Variants in MIB2 observed in about 807,000 individuals in gnomAD.
MIB2 encodes E3 ubiquitin-protein ligase MIB2.
A neutral mutation model predicts 96.6 loss-of-function variants in MIB2; 78 were observed. The observed-to-expected ratio is 0.81, with a 90% CI of 0.67 to 0.97. The LOEUF (loss-of-function observed/expected upper bound fraction) is 0.97, where lower values mean the gene tolerates loss of function less well. MIB2 is among the 50% of genes least tolerant of loss of function. The pLI is 0.00. For synonymous variants in MIB2, 820 were observed against 629.5 expected (o/e 1.30, Z -4.53); for missense variants, 1,543 against 1,424.0 (o/e 1.08, Z -1.35).
chr1:1,629,479 G>A lies in MIB2; in HGVS notation c.2476G>A (p.Gly826Arg), dbSNP rs1011064191. The part of the protein sequence containing the change: ...VTNLHVGAAP[G>R]PEAAECLVCS... ...GAACCTGCACGTGGGCGCCGCGCCG[G>A]GGCCCGAGGCCGCTGAGTGCCTGGT... Residue 826 changes from glycine (G) to arginine (R), a missense_variant, in exon 18 of 20, where the codon GGG becomes AGG. Gly to Arg is a moderately radical substitution (Grantham distance 125). Transcript: ENST00000355826. 4.0e-5 allele frequency: 61 copies of A among 1,532,056 alleles called. No individual in the cohort carries two copies. The highest frequency in any genetic ancestry group is 5.2e-5 in the Non-Finnish European group (60 of 1,145,218). 94.9% of individuals were successfully genotyped at this position (1,532,056 alleles called of 1,614,324 possible). A position where few individuals can be genotyped will look rare whatever the true frequency, so the allele number is the denominator to read the frequency against.
At chr1:1,624,670 G>A (rs1188288359) in intron 4 of MIB2, 125 bp from the exon 5 acceptor site, 5 of 874,904 alleles carry the variant, frequency 5.7e-6, no homozygotes, top group Non-Finnish European at 9.2e-6. Context: ...AAGAGCTGGG[G>A]CTGCGGAGCC....
chr1:1,623,607 T>C lies in MIB2; in HGVS notation c.155T>C (p.Val52Ala). 1 of 1,499,502 alleles carries C rather than the reference T, an allele frequency of 6.7e-7. No individual in the cohort carries two copies. The highest frequency in any genetic ancestry group is 8.9e-7 in the Non-Finnish European group (1 of 1,123,244). 92.9% of individuals were successfully genotyped at this position (1,499,502 alleles called of 1,614,324 possible). A position where few individuals can be genotyped will look rare whatever the true frequency, so the allele number is the denominator to read the frequency against. The change falls in exon 3 of 20, where the codon GTG (valine) becomes GCG (alanine). Residue 52 changes from valine (V) to alanine (A), a missense_variant. Coordinates refer to ENST00000355826, the MANE Select transcript of MIB2 (RefSeq NM_001170687.4). ...AGCCCCTCGACACCCGACCGCACAG[T>C]GGTCGTGCAGTGGGACCAGGGCACG... The part of the protein sequence containing the change: ...HGSPSTPDRT[V>A]VVQWDQGTRT...
Position 1,629,271 on chromosome 1 carries a change from C to A in MIB2, c.2341C>A (p.Arg781Ser), listed in dbSNP as rs368865474. The A allele has an allele frequency of 6.5e-7, 1 of 1,544,912 alleles. No individual in the cohort carries two copies. Among genetic ancestry groups the A allele is most frequent in the South Asian group, 1.2e-5 (1 of 83,936 alleles). ...CCCGCTGGACCTGGCCGCCGAGGGT[C>A]GCGTGCTCAAGGCCCTTCAGGGCTG... ...RSPLDLAAEG[R>S]VLKALQGCAQ... Residue 781 changes from arginine to serine, a missense_variant, in exon 17 of 20, where the codon CGC becomes AGC. Transcript: ENST00000355826.
intron 4 of MIB2, 78 bp from the exon 5 acceptor site, chr1:1,624,717 A>G (rs935790279): frequency 1.5e-5 from 20 of 1,355,234 alleles, no homozygotes; most frequent in East Asian, 9.9e-5. Flanking sequence ...GCTCCACTGC[A>G]TCGCTCTCCC....
intron 16 of MIB2, 141 bp downstream of exon 16, chr1:1,628,863 G>T: frequency 1.2e-6 from 1 of 831,090 alleles, no homozygotes; most frequent in Non-Finnish European, 1.8e-6. Flanking sequence ...GCAGATGGGA[G>T]CCAAGTTCTA....
chr1:1,625,665 G>A lies in MIB2; in HGVS notation c.972+12G>A. 2 of 1,547,682 alleles carry A rather than the reference G, an allele frequency of 1.3e-6. No homozygotes were observed. The highest frequency in any genetic ancestry group is 1.4e-5 in the African/African-American group (1 of 73,188). ...GGGCGCTCACCAAGGTGCCGGGGGGGCTGGGCTGCGCCTCATCTGCTTGCT... is the reference window on the plus strand; with the variant it reads ...GGGCGCTCACCAAGGTGCCGGGGGGACTGGGCTGCGCCTCATCTGCTTGCT... On this transcript the variant is annotated intron_variant, in intron 8 of 19. Coordinates refer to ENST00000355826, the MANE Select transcript of MIB2 (RefSeq NM_001170687.4). The surrounding 1 kb of genome is among the most constrained non-coding windows in gnomAD (Gnocchi z 5.0).
chr1:1,625,216 C>T lies in MIB2; in HGVS notation c.721+31C>T, dbSNP rs1644627958. 2.5e-6 allele frequency: 4 copies of T among 1,602,690 alleles called. No individual in the cohort carries two copies. Among genetic ancestry groups the T allele is most frequent in the Non-Finnish European group, 2.6e-6 (3 of 1,174,148 alleles). ...AGGCTGTCACACTGACTCCATCAGC[C>T]CTCCTGCCTTGGCTGAAGTCCCAGA... On this transcript the variant is annotated intron_variant, in intron 6 of 19. Transcript: ENST00000355826. The surrounding 1 kb of genome is among the most constrained non-coding windows in gnomAD (Gnocchi z 5.0).
chr1:1,629,373 C>T lies in MIB2; in HGVS notation c.2382-12C>T, dbSNP rs766324866. On this transcript the variant is annotated splice_polypyrimidine_tract_variant and intron_variant, in intron 17 of 19. Transcript: ENST00000355826. Reference sequence around the variant, plus strand: ...CTCCGGGCCCCTCTCAAGCCGCCTCCTCCCCCTGCAGGGAGCGGCAGGCGG... The same window carrying T: ...CTCCGGGCCCCTCTCAAGCCGCCTCTTCCCCCTGCAGGGAGCGGCAGGCGG... 6 of 1,439,294 alleles carry T rather than the reference C, an allele frequency of 4.2e-6. No individual in the cohort carries two copies. The highest frequency in any genetic ancestry group is 5.4e-6 in the Non-Finnish European group (6 of 1,110,172). 89.2% of individuals were successfully genotyped at this position (1,439,294 alleles called of 1,614,324 possible).
In MIB2 at chr1:1,623,756, AC is replaced by A. The variant is rs1644477400; in HGVS notation, c.248-14del. 1 of 1,569,948 alleles carries A rather than the reference AC, an allele frequency of 6.4e-7. No individual in the cohort carries two copies. The highest frequency in any genetic ancestry group is 1.4e-5 in the African/African-American group (1 of 73,746). On this transcript the variant is annotated splice_polypyrimidine_tract_variant and intron_variant, in intron 3 of 19. Coordinates refer to ENST00000355826, the MANE Select transcript of MIB2 (RefSeq NM_001170687.4). Reference sequence around the variant, plus strand: ...ACCCGGGGGCGGGAACGCCCCTCTGACCCCACCCCACCCCCAGGCGTCCGGC... The same window carrying A: ...ACCCGGGGGCGGGAACGCCCCTCTGACCCACCCCACCCCCAGGCGTCCGGC...
chr1:1,623,600 C>T lies in MIB2; in HGVS notation c.148C>T (p.Arg50Cys), dbSNP rs936581314. ...CCACGGCAGCCCCTCGACACCCGAC[C>T]GCACAGTGGTCGTGCAGTGGGACCA... ...GRHGSPSTPD[R>C]TVVVQWDQGT... is the part of the protein sequence containing the mutation. The change falls in exon 3 of 20, where the codon CGC becomes TGC. Residue 50 changes from arginine to cysteine, a missense_variant. Physicochemically the swap from Arg to Cys is radical, Grantham distance 180. Coordinates refer to ENST00000355826, the MANE Select transcript of MIB2 (RefSeq NM_001170687.4). 49 of 1,503,890 alleles carry T rather than the reference C, an allele frequency of 3.3e-5. 1 individual carries two copies. The highest frequency in any genetic ancestry group is 3.9e-5 in the Non-Finnish European group (44 of 1,125,946). 93.2% of individuals were successfully genotyped at this position (1,503,890 alleles called of 1,614,324 possible).
chr1:1,615,732 G>A (rs1463234157), intron 1 of MIB2, 99 bp downstream of exon 1: 2 of 1,485,334 alleles, frequency 1.3e-6, no homozygotes, highest in Non-Finnish European at 8.9e-7. Context: ...TCCCGCTCCC[G>A]CTGGCCCAGC....
At chr1:1,623,381 G>T in intron 2 of MIB2, 50 bp from the exon 3 acceptor site, 1 of 1,592,842 alleles carries the variant, frequency 6.3e-7, no homozygotes, top group Non-Finnish European at 8.5e-7. Context: ...AATACCCTCT[G>T]CCCACAGGTC....
chr1:1,630,103 C>G (rs888585218), intron 19 of MIB2, among the ~76,000 whole-genome samples, 189 bp from the exon 20 acceptor site: 1 of 149,536 alleles, frequency 6.7e-6, no homozygotes, highest in East Asian at 2.0e-4. Flanking sequence ...TGCCTGATTT[C>G]CACGGCTCAC....
At position 1,625,359 on chromosome 1, in the gene MIB2, T is replaced by C; in HGVS notation, c.795T>C (p.Cys265=). ...QPFQHGDKVK[C]LLDTDVLREM... is the part of the protein sequence containing the mutation. ...TCCAGCACGGGGACAAGGTCAAGTG[T>C]CTGCTGGACACTGATGTCCTGCGGG... The change falls in exon 7 of 20, where the codon TGT becomes TGC. Residue 265 remains cysteine, a synonymous_variant. Coordinates refer to ENST00000355826, the MANE Select transcript of MIB2 (RefSeq NM_001170687.4). This position sits in a 1 kb window ranked among gnomAD's most constrained non-coding sequence, Gnocchi z 5.0. 6.3e-7 allele frequency: 1 copy of C among 1,586,480 alleles called. No homozygotes were observed. The highest frequency in any genetic ancestry group is 8.6e-7 in the Non-Finnish European group (1 of 1,167,184).
In MIB2 at chr1:1,625,565, C is replaced by G. The variant is rs759920589; in HGVS notation, c.884C>G (p.Thr295Ser). Residue 295 changes from threonine to serine, a missense_variant, in exon 8 of 20, where the codon ACC (threonine) becomes AGC (serine). Coordinates refer to ENST00000355826, the MANE Select transcript of MIB2 (RefSeq NM_001170687.4). The surrounding 1 kb of genome is among the most constrained non-coding windows in gnomAD (Gnocchi z 5.0). ...RMAEFIGQTGTVHRITDRGDV... is the reference protein window; with the variant it reads ...RMAEFIGQTGSVHRITDRGDV... ...CCACAGTTTATCGGACAGACGGGCA[C>G]CGTGCATCGTATCACGGACCGCGGG... The G allele has an allele frequency of 6.0e-5, 95 of 1,583,428 alleles. No homozygotes were observed. The highest frequency in any genetic ancestry group is 7.9e-5 in the Non-Finnish European group (92 of 1,165,418).
Position 1,629,367 on chromosome 1 carries a change from C to A in MIB2, c.2382-18C>A. On this transcript the variant is annotated intron_variant, in intron 17 of 19. Transcript: ENST00000355826. ...GGCGGCCTCCGGGCCCCTCTCAAGCCGCCTCCTCCCCCTGCAGGGAGCGGC... is the reference window on the plus strand; with the variant it reads ...GGCGGCCTCCGGGCCCCTCTCAAGCAGCCTCCTCCCCCTGCAGGGAGCGGC... 1.4e-6 allele frequency: 2 copies of A among 1,436,290 alleles called. No homozygotes were observed. Among genetic ancestry groups the A allele is most frequent in the Non-Finnish European group, 9.0e-7 (1 of 1,108,348 alleles). 89.0% of individuals were successfully genotyped at this position (1,436,290 alleles called of 1,614,324 possible).
In MIB2 at chr1:1,628,512, C is replaced by T. The variant is rs747268384; in HGVS notation, c.1992C>T (p.Arg664=). 24 of 1,600,408 alleles carry T rather than the reference C, an allele frequency of 1.5e-5. No individual in the cohort carries two copies. Among genetic ancestry groups the T allele is most frequent in the Non-Finnish European group, 1.9e-5 (22 of 1,178,250 alleles). The change falls in exon 16 of 20, where the codon CGC becomes CGT. Residue 664 remains arginine (R), a synonymous_variant. Coordinates refer to ENST00000355826, the MANE Select transcript of MIB2 (RefSeq NM_001170687.4). The part of the protein sequence containing the change: ...IREGRCDVNV[R]NRKLQSPLHL... ...AGGGCCGCTGTGACGTGAACGTGCG[C>T]AACCGGAAGCTGCAGTCCCCGCTGC...
chr1:1,626,541 G>A lies in MIB2; in HGVS notation c.973-109G>A, dbSNP rs1644783092. On this transcript the variant is annotated intron_variant, in intron 8 of 19. Coordinates refer to ENST00000355826, the MANE Select transcript of MIB2 (RefSeq NM_001170687.4). The surrounding 1 kb of genome is among the most constrained non-coding windows in gnomAD (Gnocchi z 5.3). ...TGGGGTCGGGGTCGGGGCCGGGGCC[G>A]AGTCAGGCCTGCCTGTCTCGTGGAG... The A allele has an allele frequency of 1.0e-5, 10 of 976,948 alleles. No individual in the cohort carries two copies. Among genetic ancestry groups the A allele is most frequent in the East Asian group, 8.0e-5 (3 of 37,428 alleles). 60.5% of individuals were successfully genotyped at this position (976,948 alleles called of 1,614,324 possible). A position where few individuals can be genotyped will look rare whatever the true frequency, so the allele number is the denominator to read the frequency against.
At position 1,626,566 on chromosome 1, in the gene MIB2, G is replaced by C; in HGVS notation, c.973-84G>C. 8.4e-7 allele frequency: 1 copy of C among 1,186,660 alleles called. No individual in the cohort carries two copies. 73.5% of individuals were successfully genotyped at this position (1,186,660 alleles called of 1,614,324 possible). A position where few individuals can be genotyped will look rare whatever the true frequency, so the allele number is the denominator to read the frequency against. ...GAGTCAGGCCTGCCTGTCTCGTGGAGCTCAGCAGGTTGCCCTCCTGTTGCA... is the reference window on the plus strand; with the variant it reads ...GAGTCAGGCCTGCCTGTCTCGTGGACCTCAGCAGGTTGCCCTCCTGTTGCA... On this transcript the variant is annotated intron_variant, in intron 8 of 19. Coordinates refer to ENST00000355826, the MANE Select transcript of MIB2 (RefSeq NM_001170687.4). This position sits in a 1 kb window ranked among gnomAD's most constrained non-coding sequence, Gnocchi z 5.3.
Sources: gnomAD v4.1 joint callset for allele counts (sites outside exome capture counted in the v4.1 genomes callset) on GRCh38, gnomAD v4.1.1 for gene constraint, Gnocchi (gnomAD v3.1) non-coding constraint, MANE v1.5 for transcripts, NCBI Gene and HGNC (gene_info 2026-07-23, HGNC 2026-07-21) for gene names.